TENT5D: variants seen among roughly 807,000 people sequenced by gnomAD.
The protein encoded by TENT5D is cancer/testis antigen 112.
For synonymous variants in TENT5D, 103 were observed against 100.6 expected (o/e 1.02, Z -0.15); for missense variants, 191 against 287.0 (o/e 0.67, Z 2.42).
At chrX:80,368,835 T>C (rs779881356) in intron 3 of TENT5D, among the ~76,000 whole-genome samples, 6 of 112,296 alleles carry the variant, frequency 5.3e-5, no homozygotes, top group African/African-American at 1.6e-4. Flanking sequence ...GTGAATCTTT[T>C]TGGTGTTTAA....
chrX:80,442,881 A>G, exon 3 of TENT5D: 2 of 1,211,089 alleles, frequency 1.7e-6, no homozygotes, highest in Non-Finnish European at 2.2e-6. Context: ...TTTTACCAAA[A>G]GATGTAAAGA....
upstream of TENT5D, among the ~76,000 whole-genome samples, chrX:80,420,151 C>T (rs1293577424): frequency 2.7e-5 from 3 of 111,732 alleles, no homozygotes; most frequent in Non-Finnish European, 5.6e-5. Flanking sequence ...TAGGCAGTTA[C>T]AATACTTACA....
intron 3 of TENT5D, among the ~76,000 whole-genome samples, chrX:80,345,669 A>G (rs970786836): frequency 2.7e-5 from 3 of 111,872 alleles, no homozygotes; most frequent in Non-Finnish European, 5.6e-5. Context: ...TTTTTCCTGC[A>G]TATTCTCTGG....
chrX:80,341,932 C>T (rs1221562460), intron 2 of TENT5D, among the ~76,000 whole-genome samples: 2 of 107,877 alleles, frequency 1.9e-5, no homozygotes, highest in Admixed American at 9.9e-5. Context: ...AGGATGGTCT[C>T]GATCTCCTGA....
In TENT5D at chrX:80,348,775, A is replaced by G. The variant is rs137862200; in HGVS notation, c.-142+6211A>G. 9.8e-3 allele frequency among the ~76,000 whole-genome samples: 1,092 copies of G among 111,799 alleles called. 11 individuals carry two copies. Among genetic ancestry groups the G allele is most frequent in the Middle Eastern group, 0.037 (8 of 216 alleles). On this transcript the variant is annotated intron_variant, in intron 3 of 4. Coordinates refer to the TENT5D transcript ENST00000538312. ...GAATGCTTCCAGCTTTTGCCCATTC[A>G]GTATGATATTTGCTGTGGGTTCGTT...
intron 3 of TENT5D, among the ~76,000 whole-genome samples, chrX:80,409,092 C>T (rs1444304737): frequency 1.5e-3 from 162 of 109,059 alleles, no homozygotes; most frequent in African/African-American, 5.1e-3. Context: ...ATTGATGGGA[C>T]GTATTTCAAA....
chrX:80,429,366 A>G (rs1932041789), intron 1 of TENT5D, among the ~76,000 whole-genome samples: 1 of 111,026 alleles, frequency 9.0e-6, no homozygotes, highest in Non-Finnish European at 1.9e-5. Flanking sequence ...GCAGTGGCAC[A>G]ATCTCGGCTC....
intron 2 of TENT5D, among the ~76,000 whole-genome samples, chrX:80,337,732 C>T (rs1229591238): frequency 9.0e-6 from 1 of 111,235 alleles, no homozygotes; most frequent in Admixed American, 9.5e-5. Flanking sequence ...TTAAGGTTAA[C>T]TTTTAAAAAT....
At chrX:80,404,745 G>A (rs908172248) in intron 3 of TENT5D, among the ~76,000 whole-genome samples, 1 of 112,114 alleles carries the variant, frequency 8.9e-6, no homozygotes, top group Non-Finnish European at 1.9e-5. Context: ...AGATTTAGCA[G>A]GATCTGGTGT....
intron 1 of TENT5D, among the ~76,000 whole-genome samples, chrX:80,422,182 A>T (rs1931899398): frequency 1.8e-5 from 2 of 111,294 alleles, no homozygotes; most frequent in South Asian, 7.6e-4. Flanking sequence ...CTTTAAAAAA[A>T]TGCCTTTCAT....
intron 1 of TENT5D, among the ~76,000 whole-genome samples, chrX:80,431,406 G>A (rs899609259): frequency 1.1e-4 from 12 of 111,882 alleles, no homozygotes; most frequent in African/African-American, 3.6e-4. Context: ...GAAATGTTAG[G>A]TAAAAACTGA....
At chrX:80,408,989 G>A (rs1378218201) in intron 3 of TENT5D, among the ~76,000 whole-genome samples, 3 of 110,897 alleles carry the variant, frequency 2.7e-5, no homozygotes, top group Non-Finnish European at 5.7e-5. Flanking sequence ...CAGAGCCAAA[G>A]ACAAAAACCA....
chrX:80,409,473 A>G (rs1013522119), intron 3 of TENT5D, among the ~76,000 whole-genome samples: 17 of 111,279 alleles, frequency 1.5e-4, no homozygotes, highest in African/African-American at 5.6e-4. Context: ...ATAGAGAGCC[A>G]AATGAGTGAA....
chrX:80,434,869 A>G (rs1263218362), intron 1 of TENT5D, among the ~76,000 whole-genome samples: 5 of 99,876 alleles, frequency 5.0e-5, no homozygotes, highest in Non-Finnish European at 4.0e-5. Flanking sequence ...TGCAAGCTCC[A>G]CCTCCCAGGT....
chrX:80,414,465 G>A (rs551869822), intron 3 of TENT5D, among the ~76,000 whole-genome samples: 7 of 111,755 alleles, frequency 6.3e-5, no homozygotes, highest in East Asian at 5.7e-4. Flanking sequence ...GGACGTGCCC[G>A]CAACAGCCTC....
intron 3 of TENT5D, among the ~76,000 whole-genome samples, chrX:80,361,617 AT>A (rs1303849493): frequency 9.0e-6 from 1 of 111,436 alleles, no homozygotes; most frequent in Non-Finnish European, 1.9e-5. Context: ...TCATGTTGAA[AT>A]TTTTTGATGA....
chrX:80,403,603 A>G (rs1931429550), intron 3 of TENT5D, among the ~76,000 whole-genome samples: 1 of 111,675 alleles, frequency 9.0e-6, no homozygotes, highest in Non-Finnish European at 1.9e-5. Context: ...CCCTAGCTGG[A>G]TAATTCTTTG....
chrX:80,392,964 CAT>C (rs1022334757), intron 3 of TENT5D, among the ~76,000 whole-genome samples: 2 of 111,742 alleles, frequency 1.8e-5, no homozygotes, highest in African/African-American at 3.3e-5. Context: ...TACACAGTCA[CAT>C]ATATGTCTTT....
At chrX:80,409,450 C>A (rs1931587063) in intron 3 of TENT5D, among the ~76,000 whole-genome samples, 1 of 110,916 alleles carries the variant, frequency 9.0e-6, no homozygotes, top group Non-Finnish European at 1.9e-5. Context: ...TCTTATACAC[C>A]AATAACAGAC....
Sources: allele counts gnomAD v4.1 joint callset (sites outside exome capture counted in the v4.1 genomes callset), GRCh38; gene constraint gnomAD v4.1.1; transcripts MANE v1.5; gene names NCBI Gene and HGNC (gene_info 2026-07-23, HGNC 2026-07-21).